The following CDYL2 variants were observed in gnomAD, a reference collection of about 807,000 sequenced individuals.
CDYL2 encodes the protein chromodomain Y like 2.
A neutral mutation model predicts 49.4 loss-of-function variants in CDYL2; 23 were observed. That is an observed-to-expected ratio of 0.47 (90% confidence interval 0.34 to 0.66). The LOEUF (loss-of-function observed/expected upper bound fraction) is 0.66, where lower values mean the gene tolerates loss of function less well. Among genes scored for constraint, CDYL2 ranks in the 30% least tolerant of loss-of-function variants. The probability of loss-of-function intolerance (pLI) is 0.01; values close to 1 mark genes in which losing one functional copy is unlikely to be tolerated. For missense variants in CDYL2, 678 were observed against 656.4 expected (o/e 1.03, Z -0.36); for synonymous variants, 360 against 268.8 (o/e 1.34, Z -3.32).
At chr16:80,742,292 C>T (rs1597110353) in intron 1 of CDYL2, 1 of 152,230 alleles carries the variant, frequency 6.6e-6, no homozygotes, top group African/African-American at 2.4e-5. Flanking sequence ...ATTGATTAAA[C>T]ACATTCCAGA....
In CDYL2 at chr16:80,612,764, C is replaced by T. The variant is rs754995779; in HGVS notation, c.1080G>A (p.Leu360=). 6.8e-6 allele frequency: 11 copies of T among 1,613,736 alleles called. No individual in the cohort carries two copies. The East Asian group carries it at 2.2e-4, about 33-fold the overall frequency. ...CACAGAGGGGCAGGATGGAGGCACC[C>T]AGGCCCAGGGCCGGCCCATTGATGG... The part of the protein sequence containing the change: ...VVAINGPALG[L]GASILPLCDI... Residue 360 remains leucine (L), a synonymous_variant, in exon 5 of 7, where the codon CTG becomes CTA. Coordinates refer to ENST00000570137, the MANE Select transcript of CDYL2 (RefSeq NM_152342.4). The surrounding 1 kb of genome is among the most constrained non-coding windows in gnomAD (Gnocchi z 5.0).
chr16:80,639,980 T>C (rs1908010361), intron 2 of CDYL2, among the ~76,000 whole-genome samples: 3 of 152,162 alleles, frequency 2.0e-5, no homozygotes, highest in Admixed American at 6.5e-5. Flanking sequence ...TTCCTGCAAG[T>C]CTTGCCACAA....
intron 3 of CDYL2, among the ~76,000 whole-genome samples, chr16:80,632,099 A>C (rs986547127): frequency 2.6e-5 from 4 of 152,256 alleles, no homozygotes; most frequent in Admixed American, 6.5e-5. Context: ...ATATATGTTC[A>C]CATAAAAACT....
intron 1 of CDYL2, among the ~76,000 whole-genome samples, chr16:80,710,988 C>A (rs1304579805): frequency 1.3e-5 from 2 of 152,202 alleles, no homozygotes; most frequent in African/African-American, 2.4e-5. Context: ...AGCTGGTAAT[C>A]TTCAGTTTGT....
chr16:80,648,921 G>C (rs918294675), intron 2 of CDYL2, among the ~76,000 whole-genome samples: 1 of 152,042 alleles, frequency 6.6e-6, no homozygotes, highest in Non-Finnish European at 1.5e-5. Flanking sequence ...TTGGTGCTGA[G>C]AACACATTTG....
chr16:80,760,331 T>A (rs975890151), intron 1 of CDYL2, among the ~76,000 whole-genome samples: 2 of 152,098 alleles, frequency 1.3e-5, no homozygotes, highest in African/African-American at 4.8e-5. Context: ...TATCACAGAC[T>A]GTGAAGGGTA....
chr16:80,669,148 T>C (rs887431450), intron 2 of CDYL2, among the ~76,000 whole-genome samples: 1 of 151,778 alleles, frequency 6.6e-6, no homozygotes, highest in Non-Finnish European at 1.5e-5. Flanking sequence ...TTTTTAAGTA[T>C]TAACACAAGC....
chr16:80,744,089 G>C (rs922110976), intron 1 of CDYL2, among the ~76,000 whole-genome samples: 1 of 152,142 alleles, frequency 6.6e-6, no homozygotes, highest in African/African-American at 2.4e-5. Context: ...CATTATTCCT[G>C]TTTGGAAAAT....
In CDYL2 at chr16:80,612,872, T is replaced by G; in HGVS notation, c.1008-36A>C. 1 of 1,547,408 alleles carries G rather than the reference T, an allele frequency of 6.5e-7. No individual in the cohort carries two copies. Among genetic ancestry groups the G allele is most frequent in the Middle Eastern group, 1.8e-4 (1 of 5,548 alleles). ...AAGAAGATCCTCTTGAACAGGTGAC[T>G]ATAGCATGCTAAGCCCCACTGGAAC... On this transcript the variant is annotated intron_variant, in intron 4 of 6. Coordinates refer to ENST00000570137, the MANE Select transcript of CDYL2 (RefSeq NM_152342.4). The surrounding 1 kb of genome is among the most constrained non-coding windows in gnomAD (Gnocchi z 5.0).
chr16:80,666,754 A>G (rs553715706), intron 2 of CDYL2, among the ~76,000 whole-genome samples: 1 of 152,312 alleles, frequency 6.6e-6, no homozygotes, highest in African/African-American at 2.4e-5. Flanking sequence ...CAGCTTTGAC[A>G]GATGTCAGAA....
intron 1 of CDYL2, among the ~76,000 whole-genome samples, chr16:80,721,925 G>T (rs1166564340): frequency 1.3e-5 from 2 of 152,210 alleles, no homozygotes; most frequent in Non-Finnish European, 1.5e-5. Flanking sequence ...TCCAGGCACA[G>T]CGACGAAGAG....
chr16:80,803,946 G>T (rs1234740493), intron 1 of CDYL2, among the ~76,000 whole-genome samples: 1 of 142,568 alleles, frequency 7.0e-6, no homozygotes, highest in South Asian at 2.2e-4. Flanking sequence ...GCGGGCGCGG[G>T]CGCCGCGGGA....
Position 80,664,871 on chromosome 16 carries a change from G to GT in CDYL2, c.616+19666_616+19667insA, listed in dbSNP as rs777384398. 3.5e-3 allele frequency among the ~76,000 whole-genome samples: 536 copies of GT among 152,296 alleles called. 3 individuals are homozygous for GT. Among genetic ancestry groups the GT allele is most frequent in the Admixed American group, 6.1e-3 (94 of 15,300 alleles). On this transcript the variant is annotated intron_variant, in intron 2 of 6. Coordinates refer to ENST00000570137, the MANE Select transcript of CDYL2 (RefSeq NM_152342.4). Reference sequence around the variant, plus strand: ...GACCCTCCCTGCTAGGATTAACTGAGGAACTGCCAGTGCTAGCAAGAGGGT... The same window carrying GT: ...GACCCTCCCTGCTAGGATTAACTGAGTGAACTGCCAGTGCTAGCAAGAGGGT...
At chr16:80,609,419 G>A (rs2142361590) in intron 5 of CDYL2, among the ~76,000 whole-genome samples, 1 of 152,312 alleles carries the variant, frequency 6.6e-6, no homozygotes, top group South Asian at 2.1e-4. Flanking sequence ...AGTTCTGGTT[G>A]TGTCACTGAT....
At chr16:80,749,222 C>T (rs1271666475) in intron 1 of CDYL2, among the ~76,000 whole-genome samples, 1 of 152,088 alleles carries the variant, frequency 6.6e-6, no homozygotes, top group African/African-American at 2.4e-5. Flanking sequence ...TAAAAAACAA[C>T]AGAACACAAC....
chr16:80,715,612 G>A (rs1007902586), intron 1 of CDYL2, among the ~76,000 whole-genome samples: 1 of 152,198 alleles, frequency 6.6e-6, no homozygotes, highest in African/African-American at 2.4e-5. Context: ...TGCCTCCAGA[G>A]GAATTTTTTT....
chr16:80,780,041 C>A (rs1907213196), intron 1 of CDYL2, among the ~76,000 whole-genome samples: 2 of 152,070 alleles, frequency 1.3e-5, no homozygotes, highest in Non-Finnish European at 2.9e-5. Context: ...TATCTGATTG[C>A]AAACCTCCAG....
At chr16:80,618,011 G>A (rs755992378) in intron 4 of CDYL2, among the ~76,000 whole-genome samples, 9 of 152,100 alleles carry the variant, frequency 5.9e-5, no homozygotes, top group Non-Finnish European at 1.2e-4. Context: ...TGCTCCCTTG[G>A]GCCTCTCTGT....
At chr16:80,730,409 T>C (rs1364492599) in intron 1 of CDYL2, among the ~76,000 whole-genome samples, 4 of 151,958 alleles carry the variant, frequency 2.6e-5, no homozygotes, top group Non-Finnish European at 5.9e-5. Flanking sequence ...CAGGAAGAAG[T>C]TGAATCTCTG....
Sources: gnomAD v4.1 joint callset for allele counts (sites outside exome capture counted in the v4.1 genomes callset) on GRCh38, gnomAD v4.1.1 for gene constraint, Gnocchi (gnomAD v3.1) non-coding constraint, MANE v1.5 for transcripts, NCBI Gene and HGNC (gene_info 2026-07-23, HGNC 2026-07-21) for gene names.